The following ADAM18 variants were observed in gnomAD, a reference collection of about 807,000 sequenced individuals.
The protein encoded by ADAM18 is ADAM metallopeptidase domain 18, also known as disintegrin and metalloproteinase domain-containing protein 18.
Under a neutral mutation model 94.4 loss-of-function variants are expected in ADAM18, and 117 were observed. The observed-to-expected ratio is 1.24, with a 90% confidence interval of 1.07 to 1.45. The LOEUF is 1.45. ADAM18 is among the 40% of genes most tolerant of loss of function. ADAM18 has a pLI of 0.00. For synonymous variants in ADAM18, 327 were observed against 291.6 expected, an observed-to-expected ratio of 1.12 and a Z score of -1.24; for missense variants, 936 against 880.0, an observed-to-expected ratio of 1.06 and a Z score of -0.81.
chr8:39,664,722 G>C (rs1272146633), intron 13 of ADAM18, among the ~76,000 whole-genome samples: 1 of 152,030 alleles, frequency 6.6e-6, no homozygotes, highest in African/African-American at 2.4e-5. Context: ...ACATACAATT[G>C]AAATGAACAG....
At chr8:39,605,408 G>A (rs1463417242) in intron 2 of ADAM18, among the ~76,000 whole-genome samples, 2 of 152,178 alleles carry the variant, frequency 1.3e-5, no homozygotes, top group Admixed American at 6.5e-5. Flanking sequence ...TGGAGGTATA[G>A]TCTTCCTCAC....
chr8:39,679,824 G>A (rs1463490700), intron 15 of ADAM18, among the ~76,000 whole-genome samples: 2 of 152,138 alleles, frequency 1.3e-5, no homozygotes, highest in South Asian at 2.1e-4. Flanking sequence ...GAATGAAGTC[G>A]TGTCTTCACG....
At chr8:39,620,581 T>C (rs1384049134) in intron 6 of ADAM18, among the ~76,000 whole-genome samples, 1 of 147,102 alleles carries the variant, frequency 6.8e-6, no homozygotes, top group Non-Finnish European at 1.5e-5. Context: ...ATTATATATG[T>C]AATATATAAT....
intron 14 of ADAM18, among the ~76,000 whole-genome samples, chr8:39,668,499 T>C (rs1821057065): frequency 6.6e-6 from 1 of 152,168 alleles, no homozygotes; most frequent in South Asian, 2.1e-4. Context: ...TTTATATAAT[T>C]TCCTATTACT....
intron 19 of ADAM18, among the ~76,000 whole-genome samples, chr8:39,726,903 A>G (rs1822930522): frequency 6.6e-6 from 1 of 152,074 alleles, no homozygotes; most frequent in African/African-American, 2.4e-5. Context: ...CACACTTAAA[A>G]CTTTTGAATA....
intron 18 of ADAM18, among the ~76,000 whole-genome samples, chr8:39,720,543 A>G (rs1822717221): frequency 6.6e-6 from 1 of 151,530 alleles, no homozygotes; most frequent in Non-Finnish European, 1.5e-5. Context: ...ACTCTCGGGC[A>G]CTAGTTAAAC....
rs755203417 is a variant in ADAM18, at chr8:39,609,936, C to T, written c.344+375C>T. 3.9e-5 allele frequency among the ~76,000 whole-genome samples: 6 copies of T among 151,976 alleles called. No individual in the cohort carries two copies. The East Asian group carries it at 1.2e-3, about 29-fold the overall frequency. ...CAGCTTAGTACCAGATATAAAACAA[C>T]TAGTTAAGAAGATCCCTCAGGAATA... On this transcript the variant is annotated intron_variant, in intron 5 of 19. Transcript: ENST00000265707.
intron 17 of ADAM18, among the ~76,000 whole-genome samples, chr8:39,693,041 A>G (rs1821824577): frequency 6.6e-6 from 1 of 151,618 alleles, no homozygotes. Context: ...ACGTTGACAT[A>G]TCAGGGAATA....
chr8:39,662,767 G>A (rs886306217), intron 12 of ADAM18, among the ~76,000 whole-genome samples: 40 of 152,080 alleles, frequency 2.6e-4, no homozygotes, highest in African/African-American at 8.2e-4. Context: ...TGGGATTACA[G>A]GCACACACCA....
chr8:39,669,460 C>T lies in ADAM18; in HGVS notation c.1525+1264C>T, dbSNP rs1399022991. On this transcript the variant is annotated intron_variant, in intron 14 of 19. Coordinates refer to ENST00000265707, the MANE Select transcript of ADAM18 (RefSeq NM_014237.3). ...GGTATATCTCCTAATGCTATCCCTC[C>T]CCCCTCCCCCCACCCCACAACAGTC... 3.8e-5 allele frequency among the ~76,000 whole-genome samples: 4 copies of T among 103,942 alleles called. No homozygotes were observed. The Admixed American group carries it at 4.5e-4, about 12-fold the overall frequency. The allele number at this position is 103,942 out of a possible 152,430, so 68.2% of individuals were successfully genotyped here.
intron 7 of ADAM18, among the ~76,000 whole-genome samples, chr8:39,637,016 ATT>A (rs67648452): frequency 0.46 from 45,289 of 99,500 alleles, 8,210 homozygotes; most frequent in Admixed American, 0.52. Flanking sequence ...GCATGTGTGT[ATT>A]TTATATATAT....
chr8:39,676,705 A>G (rs1177718085), intron 14 of ADAM18, among the ~76,000 whole-genome samples: 1 of 152,254 alleles, frequency 6.6e-6, no homozygotes, highest in Non-Finnish European at 1.5e-5. Flanking sequence ...TTGGAAATGC[A>G]GAAATCACCC....
At chr8:39,708,252 A>G (rs1051271236) in intron 18 of ADAM18, among the ~76,000 whole-genome samples, 7 of 152,254 alleles carry the variant, frequency 4.6e-5, no homozygotes, top group African/African-American at 1.4e-4. Flanking sequence ...AATCTTACAC[A>G]GTATTTATAA....
At chr8:39,620,565 TTATA>T (rs1819585906) in intron 6 of ADAM18, among the ~76,000 whole-genome samples, 1 of 147,062 alleles carries the variant, frequency 6.8e-6, no homozygotes, top group Non-Finnish European at 1.5e-5. Flanking sequence ...ATATAATAAT[TTATA>T]TATTATATAT....
chr8:39,657,006 A>G (rs1820703236), intron 12 of ADAM18, among the ~76,000 whole-genome samples: 1 of 152,240 alleles, frequency 6.6e-6, no homozygotes, highest in Admixed American at 6.5e-5. Context: ...AATGTGATCC[A>G]GAATTTCAGT....
chr8:39,588,491 T>C (rs1050432678), intron 2 of ADAM18, among the ~76,000 whole-genome samples: 3 of 152,222 alleles, frequency 2.0e-5, no homozygotes, highest in Non-Finnish European at 4.4e-5. Context: ...CTTTGTCATA[T>C]AGATCATTTG....
chr8:39,666,286 C>T (rs1820991601), intron 13 of ADAM18, among the ~76,000 whole-genome samples: 1 of 152,140 alleles, frequency 6.6e-6, no homozygotes, highest in East Asian at 1.9e-4. Context: ...GCAATCTATC[C>T]CCCTAGGCCT....
chr8:39,669,146 A>G lies in ADAM18; in HGVS notation c.1525+950A>G, dbSNP rs550958738. Among the ~76,000 whole-genome samples the G allele has an allele frequency of 2.6e-5, 4 of 151,880 alleles. No individual in the cohort carries two copies. The East Asian group carries it at 7.7e-4, about 29-fold the overall frequency. ...GTTTAAAATATCTCTTAAAGGTAAA[A>G]TTAAATAATACTTTCTGTAAGGTTC... On this transcript the variant is annotated intron_variant, in intron 14 of 19. Coordinates refer to ENST00000265707, the MANE Select transcript of ADAM18 (RefSeq NM_014237.3).
At chr8:39,663,956 C>A in intron 13 of ADAM18, 66 bp downstream of exon 13, 1 of 986,128 alleles carries the variant, frequency 1.0e-6, no homozygotes, top group Non-Finnish European at 1.5e-6. Flanking sequence ...TTAACTGAAT[C>A]AATGTGCAAT....
Sources: allele counts gnomAD v4.1 joint callset (sites outside exome capture counted in the v4.1 genomes callset), GRCh38; gene constraint gnomAD v4.1.1; transcripts MANE v1.5; gene names NCBI Gene and HGNC (gene_info 2026-07-23, HGNC 2026-07-21).